The following NFASC variants were observed in gnomAD, a reference collection of about 807,000 sequenced individuals.
NFASC encodes neurofascin homolog.
In NFASC, 43 loss-of-function variants were observed where a neutral mutation model predicts 147.5. That is an observed-to-expected ratio of 0.29 (90% confidence interval 0.23 to 0.38). The LOEUF (loss-of-function observed/expected upper bound fraction) is 0.38, where lower values mean the gene tolerates loss of function less well. Ranked by LOEUF, NFASC falls within the 10% of genes least tolerant of loss-of-function variation. The pLI is 1.00. For missense variants in NFASC, 1,320 were observed against 1,689.0 expected, an observed-to-expected ratio of 0.78 and a Z score of 3.83; for synonymous variants, 622 against 665.5, an observed-to-expected ratio of 0.93 and a Z score of 1.01.
At chr1:204,856,986 A>G (rs6674877) in intron 1 of NFASC, among the ~76,000 whole-genome samples, 28,911 of 152,142 alleles carry the variant, frequency 0.19, 4,285 homozygotes, top group East Asian at 0.52. Context: ...CTATGAACAC[A>G]TAAGTACATG....
At position 205,002,630 on chromosome 1, in the gene NFASC, C is replaced by G. The variant is rs778555403; in HGVS notation, c.3171C>G (p.Ala1057=). The G allele has an allele frequency of 1.0e-5, 16 of 1,551,094 alleles. No individual in the cohort carries two copies. In the South Asian group the frequency reaches 1.9e-4, roughly 18 times the overall value. The change falls in exon 27 of 30, where the codon GCC becomes GCG. Residue 1057 remains alanine, a synonymous_variant. Coordinates refer to ENST00000339876, the MANE Select transcript of NFASC (RefSeq NM_001005388.3). ...CGAAAAAAACTGTCCCAGTTAAGGCCCAGGCTCAGCCTATACAGCTGACAG... is the reference window on the plus strand; with the variant it reads ...CGAAAAAAACTGTCCCAGTTAAGGCGCAGGCTCAGCCTATACAGCTGACAG... ...NHTKKTVPVK[A]QAQPIQLTDL... is the part of the protein sequence containing the mutation.
In NFASC at chr1:204,944,232, G is replaced by A. The variant is rs776908251; in HGVS notation, c.-84G>A. 11 of 1,567,802 alleles carry A rather than the reference G, an allele frequency of 7.0e-6. No homozygotes were observed. The highest frequency in any genetic ancestry group is 4.1e-5 in the African/African-American group (3 of 73,836). Reference sequence around the variant, plus strand: ...CTTATGTTTCTTTCCACAGCTGAGTGCTGTCCAGGAGGCCCAGTTAAAGCG... The same window carrying A: ...CTTATGTTTCTTTCCACAGCTGAGTACTGTCCAGGAGGCCCAGTTAAAGCG... On this transcript the variant is annotated 5_prime_UTR_variant, in exon 3 of 30. Coordinates refer to ENST00000339876, the MANE Select transcript of NFASC (RefSeq NM_001005388.3).
At chr1:205,000,474 C>T (rs2150856416) in intron 25 of NFASC, 1 of 152,684 alleles carries the variant, frequency 6.5e-6, no homozygotes, top group South Asian at 2.1e-4. Context: ...TTAAAGATAA[C>T]CCTCTCCTTC....
chr1:204,832,072 A>T (rs1221007441), intron 1 of NFASC, among the ~76,000 whole-genome samples: 1 of 152,148 alleles, frequency 6.6e-6, no homozygotes, highest in Non-Finnish European at 1.5e-5. Context: ...GGAAAAGGGT[A>T]GGGGACAAGA....
At chr1:204,885,918 C>A (rs2081229206) in intron 1 of NFASC, among the ~76,000 whole-genome samples, 2 of 152,188 alleles carry the variant, frequency 1.3e-5, no homozygotes, top group South Asian at 4.1e-4. Flanking sequence ...TGAGTGTTGC[C>A]CCTTTCCAGA....
At chr1:204,959,647 C>T (rs554656985) in intron 8 of NFASC, among the ~76,000 whole-genome samples, 1 of 152,360 alleles carries the variant, frequency 6.6e-6, no homozygotes, top group African/African-American at 2.4e-5. Flanking sequence ...CCAGACGACG[C>T]TAGAAATCGG....
At chr1:204,984,177 C>T (rs778160809) in intron 21 of NFASC, 3 of 1,443,720 alleles carry the variant, frequency 2.1e-6, no homozygotes, top group African/African-American at 1.4e-5. Context: ...CCTAACTACC[C>T]AGCTCACTAA....
At chr1:204,889,513 G>T (rs1055767294) in intron 1 of NFASC, among the ~76,000 whole-genome samples, 1 of 152,232 alleles carries the variant, frequency 6.6e-6, no homozygotes, top group Admixed American at 6.5e-5. Flanking sequence ...TATTGGCTCA[G>T]AATAGCAGGT....
intron 1 of NFASC, among the ~76,000 whole-genome samples, chr1:204,902,593 C>T (rs937241140): frequency 1.3e-5 from 2 of 150,668 alleles, no homozygotes; most frequent in Admixed American, 1.3e-4. Flanking sequence ...GGATTTACTT[C>T]AAAATAATCC....
At chr1:204,951,703 T>C (rs1380243138) in intron 4 of NFASC, among the ~76,000 whole-genome samples, 1 of 151,130 alleles carries the variant, frequency 6.6e-6, no homozygotes, top group African/African-American at 2.4e-5. Flanking sequence ...TCTCCTGACC[T>C]CGTGATCGGC....
chr1:204,869,223 A>G (rs1356618762), intron 1 of NFASC, among the ~76,000 whole-genome samples: 1 of 152,182 alleles, frequency 6.6e-6, no homozygotes, highest in African/African-American at 2.4e-5. Flanking sequence ...TTGAAGAGGC[A>G]TCACAACATG....
chr1:204,858,958 T>C (rs1310664668), intron 1 of NFASC, among the ~76,000 whole-genome samples: 1 of 151,608 alleles, frequency 6.6e-6, no homozygotes, highest in Non-Finnish European at 1.5e-5. Context: ...TGCCCTCCGC[T>C]ATTCAGTTGA....
At chr1:204,911,497 C>T (rs1308114643) in intron 1 of NFASC, among the ~76,000 whole-genome samples, 1 of 152,200 alleles carries the variant, frequency 6.6e-6, no homozygotes, top group Non-Finnish European at 1.5e-5. Flanking sequence ...TGACTACAGG[C>T]AGACACCACC....
At chr1:204,872,221 C>T (rs575943531) in intron 1 of NFASC, among the ~76,000 whole-genome samples, 6 of 152,322 alleles carry the variant, frequency 3.9e-5, no homozygotes, top group East Asian at 3.9e-4. Context: ...AGTGCTCCCT[C>T]AACCCTATGC....
At chr1:204,974,515 A>G (rs2095350525) in intron 13 of NFASC, 142 bp from the exon 14 acceptor site, 2 of 1,050,834 alleles carry the variant, frequency 1.9e-6, no homozygotes, top group Non-Finnish European at 2.9e-6. Context: ...GGCTAGAGGC[A>G]GACCCTCCGA....
chr1:204,843,596 C>A (rs1259845095), intron 1 of NFASC, among the ~76,000 whole-genome samples: 1 of 85,300 alleles, frequency 1.2e-5, no homozygotes, highest in African/African-American at 6.1e-5. Context: ...TTCTTCCTTC[C>A]TTCCTTCCTT....
rs955229978 is a variant in NFASC at position 205,022,709 on chromosome 1, G to T, written c.*6170G>T. ...TAATACATGGACTTATAAACTGACT[G>T]CATGAGCAATGAAAAGGCCAAATTA... is the stretch of plus-strand genomic sequence containing the variant. On this transcript the variant is annotated 3_prime_UTR_variant, in exon 30 of 30. Coordinates refer to ENST00000339876, the MANE Select transcript of NFASC (RefSeq NM_001005388.3). 6.6e-6 allele frequency: 1 copy of T among 152,628 alleles called. No homozygotes were observed. Among genetic ancestry groups the T allele is most frequent in the Admixed American group, 6.5e-5 (1 of 15,282 alleles). 9.5% of individuals were successfully genotyped at this position (152,628 alleles called of 1,614,324 possible). A position where few individuals can be genotyped will look rare whatever the true frequency, so the allele number is the denominator to read the frequency against.
At chr1:204,881,719 C>G (rs1192394149) in intron 1 of NFASC, among the ~76,000 whole-genome samples, 1 of 152,150 alleles carries the variant, frequency 6.6e-6, no homozygotes, top group Non-Finnish European at 1.5e-5. Flanking sequence ...GACAAAGATT[C>G]TTTGCTTGAC....
At chr1:205,012,680 A>T (rs1374034500) in intron 28 of NFASC, 117 bp from the exon 29 acceptor site, 1 of 792,042 alleles carries the variant, frequency 1.3e-6, no homozygotes, top group East Asian at 2.5e-5. Flanking sequence ...CTTGTTAAAA[A>T]AGAGTGTCAG....
Sources: gnomAD v4.1 joint callset for allele counts (sites outside exome capture counted in the v4.1 genomes callset) on GRCh38, gnomAD v4.1.1 for gene constraint, MANE v1.5 for transcripts, NCBI Gene and HGNC (gene_info 2026-07-23, HGNC 2026-07-21) for gene names.